Variants in DMD observed in about 807,000 individuals in gnomAD.
DMD encodes dystrophin.
Under a neutral mutation model 330.1 loss-of-function variants are expected in DMD, and 63 were observed. That is an observed-to-expected ratio of 0.19 (90% confidence interval 0.16 to 0.24). DMD has a LOEUF of 0.24. Among genes scored for constraint, DMD ranks in the 10% least tolerant of loss-of-function variants. The pLI is 1.00. For missense variants in DMD, 3,344 were observed against 2,684.1 expected, an observed-to-expected ratio of 1.25 and a Z score of -5.43; for synonymous variants, 1,223 against 959.8, an observed-to-expected ratio of 1.27 and a Z score of -5.07.
chrX:31,213,381 G>A (rs755977171), intron 64 of DMD, among the ~76,000 whole-genome samples: 23 of 112,354 alleles, frequency 2.0e-4, no homozygotes, highest in African/African-American at 6.5e-4. Flanking sequence ...TCAGACCAAC[G>A]GAAGCCACTG....
intron 1 of DMD, among the ~76,000 whole-genome samples, chrX:33,046,022 C>A (rs1248720874): frequency 1.8e-5 from 2 of 111,592 alleles, no homozygotes; most frequent in South Asian, 7.7e-4. Context: ...CCAATGCCTG[C>A]ATGCAAAGAT....
At chrX:32,589,696 G>A (rs1020630642) in intron 13 of DMD, among the ~76,000 whole-genome samples, 2 of 110,911 alleles carry the variant, frequency 1.8e-5, no homozygotes, top group African/African-American at 6.6e-5. Flanking sequence ...GCAACATTTC[G>A]AACTATAAAC....
At chrX:32,707,487 A>C (rs1379692251) in intron 7 of DMD, among the ~76,000 whole-genome samples, 1 of 111,709 alleles carries the variant, frequency 9.0e-6, no homozygotes, top group African/African-American at 3.3e-5. Context: ...TTCGCAACCA[A>C]CTGTGACTTT....
chrX:31,179,233 G>A (rs999739849), intron 69 of DMD, among the ~76,000 whole-genome samples: 1 of 112,446 alleles, frequency 8.9e-6, no homozygotes, highest in African/African-American at 3.2e-5. Flanking sequence ...TTCATAGCAT[G>A]GTACATTCTC....
At chrX:32,367,911 T>TA (rs1217845846) in intron 34 of DMD, among the ~76,000 whole-genome samples, 1 of 111,821 alleles carries the variant, frequency 8.9e-6, no homozygotes, top group African/African-American at 3.3e-5. Context: ...TTACACTCTG[T>TA]AAAAAAAGAG....
intron 61 of DMD, among the ~76,000 whole-genome samples, chrX:31,344,415 A>G (rs2057966648): frequency 8.9e-6 from 1 of 112,078 alleles, no homozygotes; most frequent in Non-Finnish European, 1.9e-5. Flanking sequence ...GTACAGCCAC[A>G]GAAGAGAGTA....
At chrX:32,782,323 A>G (rs889227414) in intron 7 of DMD, among the ~76,000 whole-genome samples, 12 of 111,862 alleles carry the variant, frequency 1.1e-4, no homozygotes, top group African/African-American at 3.9e-4. Context: ...AATAGTTTCA[A>G]TATGTATGCA....
At chrX:31,416,971 T>C (rs1370828318) in intron 60 of DMD, among the ~76,000 whole-genome samples, 2 of 112,238 alleles carry the variant, frequency 1.8e-5, no homozygotes, top group East Asian at 5.6e-4. Flanking sequence ...TGAAATAAAG[T>C]GGTCGTTTCA....
intron 50 of DMD, among the ~76,000 whole-genome samples, chrX:31,799,362 T>G (rs1328904654): frequency 9.0e-6 from 1 of 111,544 alleles, no homozygotes; most frequent in Non-Finnish European, 1.9e-5. Flanking sequence ...AGAAGGCACC[T>G]CTTCACAGGG....
At chrX:31,597,882 T>A (rs756900714) in intron 55 of DMD, among the ~76,000 whole-genome samples, 24 of 111,749 alleles carry the variant, frequency 2.1e-4, no homozygotes, top group African/African-American at 7.8e-4. Context: ...CATGATACAT[T>A]GTGTTTATAA....
intron 43 of DMD, among the ~76,000 whole-genome samples, chrX:32,252,374 G>A (rs2097267016): frequency 9.2e-6 from 1 of 108,393 alleles, no homozygotes; most frequent in Non-Finnish European, 1.9e-5. Flanking sequence ...ACCTACTGCG[G>A]CTTGTAAATA....
intron 42 of DMD, among the ~76,000 whole-genome samples, chrX:32,309,750 G>A (rs1238976672): frequency 9.0e-6 from 1 of 110,887 alleles, no homozygotes; most frequent in Non-Finnish European, 1.9e-5. Context: ...TGAAACAGAA[G>A]TCATCCATTA....
intron 12 of DMD, among the ~76,000 whole-genome samples, chrX:32,610,272 T>A (rs763921611): frequency 9.0e-6 from 1 of 111,332 alleles, no homozygotes; most frequent in African/African-American, 3.3e-5. Flanking sequence ...CAGCAATGTC[T>A]ATGAAGGATG....
chrX:32,619,898 A>T (rs914148097), intron 11 of DMD, among the ~76,000 whole-genome samples: 26 of 111,684 alleles, frequency 2.3e-4, no homozygotes, highest in African/African-American at 8.5e-4. Flanking sequence ...ATGGAACAAG[A>T]GCTGTCCAAC....
intron 9 of DMD, among the ~76,000 whole-genome samples, chrX:32,692,577 G>A (rs1208387688): frequency 9.0e-6 from 1 of 111,716 alleles, no homozygotes; most frequent in Non-Finnish European, 1.9e-5. Context: ...AAATCACCCA[G>A]AAGTGCTTTT....
intron 63 of DMD, among the ~76,000 whole-genome samples, chrX:31,247,249 T>C (rs188773288): frequency 9.2e-4 from 103 of 111,680 alleles, no homozygotes; most frequent in African/African-American, 3.2e-3. Context: ...AAATATTTTG[T>C]AAGGCTATAG....
intron 41 of DMD, among the ~76,000 whole-genome samples, chrX:32,338,294 T>G (rs973633996): frequency 9.0e-6 from 1 of 111,412 alleles, no homozygotes; most frequent in Non-Finnish European, 1.9e-5. Flanking sequence ...TTGGTTGACC[T>G]TTATTGAATT....
intron 48 of DMD, among the ~76,000 whole-genome samples, chrX:31,874,808 C>T (rs1313881266): frequency 9.0e-6 from 1 of 110,980 alleles, no homozygotes; most frequent in East Asian, 2.9e-4. Context: ...CACCATTCCC[C>T]AAGGGTTGTC....
At chrX:32,680,841 T>C (rs778987444) in intron 9 of DMD, among the ~76,000 whole-genome samples, 5 of 111,204 alleles carry the variant, frequency 4.5e-5, no homozygotes, top group African/African-American at 6.6e-5. Flanking sequence ...CAAAGTTGTT[T>C]TGAACAGAAA....
Sources: allele counts gnomAD v4.1 joint callset (sites outside exome capture counted in the v4.1 genomes callset), GRCh38; gene constraint gnomAD v4.1.1; transcripts MANE v1.5; gene names NCBI Gene and HGNC (gene_info 2026-07-23, HGNC 2026-07-21).